Variants in HGFAC observed in about 807,000 individuals in gnomAD.
HGFAC encodes HGF activator.
Under a neutral mutation model 70.6 loss-of-function variants are expected in HGFAC, and 76 were observed. The observed-to-expected ratio is 1.08, with a 90% confidence interval of 0.89 to 1.30. The LOEUF (loss-of-function observed/expected upper bound fraction) is 1.30, where lower values mean the gene tolerates loss of function less well. Ranked by LOEUF, HGFAC falls within the 50% of genes most tolerant of loss-of-function variation. The pLI is 0.00. For synonymous variants in HGFAC, 464 were observed against 405.3 expected, an observed-to-expected ratio of 1.14 and a Z score of -1.74; for missense variants, 1,044 against 933.7, an observed-to-expected ratio of 1.12 and a Z score of -1.54.
intron 4 of HGFAC, 152 bp from the exon 5 acceptor site, chr4:3,443,887 G>A: frequency 1.2e-6 from 1 of 815,506 alleles, no homozygotes; most frequent in Non-Finnish European, 1.9e-6. Flanking sequence ...GCCCCTCCCA[G>A]GGACCTTGCA....
At chr4:3,448,368 C>A in intron 13 of HGFAC, 92 bp downstream of exon 13, 1 of 1,456,786 alleles carries the variant, frequency 6.9e-7, no homozygotes, top group Non-Finnish European at 9.2e-7. Context: ...AGCCCAGAGC[C>A]TGGCGGCACC....
intron 10 of HGFAC, among the ~76,000 whole-genome samples, chr4:3,446,571 G>T (rs1393879200): frequency 6.6e-6 from 1 of 152,090 alleles, no homozygotes; most frequent in East Asian, 1.9e-4. Context: ...AGTGCAGTGG[G>T]CCAGGTCCTG....
upstream of HGFAC, among the ~76,000 whole-genome samples, chr4:3,441,491 C>T (rs1725309919): frequency 6.6e-6 from 1 of 152,186 alleles, no homozygotes. This position sits in a 1 kb window ranked among gnomAD's most constrained non-coding sequence, Gnocchi z 6.0. Flanking sequence ...AGCACCGAAC[C>T]CTCCAGGAGC....
intron 11 of HGFAC, 63 bp from the exon 12 acceptor site, chr4:3,447,832 G>T: frequency 3.8e-6 from 6 of 1,583,168 alleles, no homozygotes; most frequent in Non-Finnish European, 5.2e-6. Flanking sequence ...TCCACCACGG[G>T]CCCCGACAGC....
At position 3,446,145 on chromosome 4, in the gene HGFAC, G is replaced by A. The variant is rs757911660; in HGVS notation, c.1206G>A (p.Thr402=). The part of the protein sequence containing the change: ...QACGRRHKKR[T]FLRPRIIGGS... Reference sequence around the variant, plus strand: ...GCGGCAGGAGGCACAAGAAGAGGACGTTCCTGCGGCCACGTATCATCGGCG... The same window carrying A: ...GCGGCAGGAGGCACAAGAAGAGGACATTCCTGCGGCCACGTATCATCGGCG... Residue 402 remains threonine (T), a synonymous_variant, in exon 10 of 14, where the codon ACG becomes ACA. Transcript: ENST00000382774. The A allele has an allele frequency of 8.1e-6, 13 of 1,611,732 alleles. No homozygotes were observed. Among genetic ancestry groups the A allele is most frequent in the Middle Eastern group, 1.6e-4 (1 of 6,082 alleles).
chr4:3,446,439 C>T, intron 10 of HGFAC, 145 bp downstream of exon 10: 3 of 1,020,346 alleles, frequency 2.9e-6, no homozygotes, highest in Non-Finnish European at 4.2e-6. Flanking sequence ...CCCTCTCTGA[C>T]CCCTCTGGGT....
chr4:3,445,537 AGCCCGCT>A (rs1198465545), intron 9 of HGFAC, 187 bp downstream of exon 9: 30 of 618,104 alleles, frequency 4.9e-5, no homozygotes, highest in Non-Finnish European at 8.4e-5. Flanking sequence ...GTGGGGAAGC[AGCCCGCT>A]GCAGGGGGCT....
At position 3,449,387 on chromosome 4, in the gene HGFAC, C is replaced by T. The variant is rs368254886; in HGVS notation, c.1936C>T (p.Arg646Trp). ...NYVDWINDRI[R>W]PPRRLVAPS ...TGTGGACTGGATCAACGACCGGATA[C>T]GGCCTCCCAGGCGGCTTGTGGCTCC... Residue 646 changes from arginine to tryptophan, a missense_variant, in exon 14 of 14, where the codon CGG becomes TGG. Arg to Trp is a moderately radical substitution (Grantham distance 101). Coordinates refer to ENST00000382774, the MANE Select transcript of HGFAC (RefSeq NM_001528.4). 20 of 1,575,796 alleles carry T rather than the reference C, an allele frequency of 1.3e-5. No individual in the cohort carries two copies. The highest frequency in any genetic ancestry group is 4.7e-5 in the East Asian group (2 of 42,724).
At chr4:3,445,021 G>T (rs1473677589) in intron 8 of HGFAC, 28 bp downstream of exon 8, 1 of 1,526,180 alleles carries the variant, frequency 6.6e-7, no homozygotes. Flanking sequence ...CCAGGCCGCC[G>T]CATGCGGGGC....
At chr4:3,444,009 C>T in intron 4 of HGFAC, 30 bp from the exon 5 acceptor site, 11 of 1,546,234 alleles carry the variant, frequency 7.1e-6, no homozygotes, top group East Asian at 2.3e-5. Context: ...TCCCAGTCCG[C>T]CCCTCACACC....
At chr4:3,445,037 G>A in intron 8 of HGFAC, 44 bp downstream of exon 8, 1 of 1,503,478 alleles carries the variant, frequency 6.7e-7, no homozygotes, top group Non-Finnish European at 8.9e-7. Context: ...GGGGCAGGCA[G>A]GATTTGTCCT....
chr4:3,444,217 G>T (rs1316600609), intron 5 of HGFAC, 56 bp downstream of exon 5: 25 of 1,564,764 alleles, frequency 1.6e-5, no homozygotes, highest in Non-Finnish European at 5.2e-6. Context: ...AGTCCCCGGA[G>T]GATGGGAGAA....
At chr4:3,444,569 G>A (rs911792090) in intron 6 of HGFAC, 54 bp from the exon 7 acceptor site, 86 of 1,518,780 alleles carry the variant, frequency 5.7e-5, no homozygotes, top group African/African-American at 8.2e-5. Context: ...CCCCGACTCC[G>A]CTGTCGTGGG....
At chr4:3,447,823 C>G (rs957708795) in intron 11 of HGFAC, 72 bp from the exon 12 acceptor site, 2 of 1,575,008 alleles carry the variant, frequency 1.3e-6, no homozygotes, top group African/African-American at 2.7e-5. Context: ...TACCCTCCCT[C>G]CACCACGGGC....
At position 3,444,738 on chromosome 4, in the gene HGFAC, G is replaced by GTGT. The variant is rs779889723; in HGVS notation, c.841+7_841+8insTTG. On this transcript the variant is annotated splice_donor_region_variant and intron_variant, in intron 7 of 13. Coordinates refer to ENST00000382774, the MANE Select transcript of HGFAC (RefSeq NM_001528.4). ...CTGGACGGCTCTGCAACATCGGTGA[G>GTGT]TGGGTCAGCCCCCCGGGGTGCCCTG... The GTGT allele has an allele frequency of 6.3e-7, 1 of 1,587,876 alleles. No individual in the cohort carries two copies. Among genetic ancestry groups the GTGT allele is most frequent in the South Asian group, 1.1e-5 (1 of 88,768 alleles).
chr4:3,443,180 G>A (rs1725373089), intron 3 of HGFAC, 34 bp downstream of exon 3: 1 of 1,435,742 alleles, frequency 7.0e-7, no homozygotes, highest in Non-Finnish European at 9.3e-7. Context: ...CCGAGCTGGG[G>A]TCACCTGCCC....
At chr4:3,446,631 G>C (rs1725523938) in intron 10 of HGFAC, among the ~76,000 whole-genome samples, 1 of 152,108 alleles carries the variant, frequency 6.6e-6, no homozygotes, top group African/African-American at 2.4e-5. Context: ...TCAGTAGGGA[G>C]CCAGGGAGCG....
chr4:3,447,427 G>A, intron 10 of HGFAC, 65 bp from the exon 11 acceptor site: 1 of 1,586,094 alleles, frequency 6.3e-7, no homozygotes, highest in Non-Finnish European at 8.6e-7. Flanking sequence ...ACAGGGGGTG[G>A]GGAGAGGTGA....
At position 3,449,181 on chromosome 4, in the gene HGFAC, G is replaced by A. The variant is rs1725639630; in HGVS notation, c.1786-56G>A. The stretch of plus-strand genomic sequence containing the variant: ...CCCCAAGCTGCCACTTGGGGGAGAG[G>A]GGGGTCCCTGAACCAGGCCCCTGGG... On this transcript the variant is annotated intron_variant, in intron 13 of 13. Transcript: ENST00000382774. 4.6e-6 allele frequency: 7 copies of A among 1,520,282 alleles called. No individual in the cohort carries two copies. In the Admixed American group the frequency reaches 1.3e-4, roughly 28 times the overall value. 94.2% of individuals were successfully genotyped at this position (1,520,282 alleles called of 1,614,324 possible).
Sources: gnomAD v4.1 joint callset for allele counts (sites outside exome capture counted in the v4.1 genomes callset) on GRCh38, gnomAD v4.1.1 for gene constraint, Gnocchi (gnomAD v3.1) non-coding constraint, MANE v1.5 for transcripts, NCBI Gene and HGNC (gene_info 2026-07-23, HGNC 2026-07-21) for gene names.